MEF2D: variants seen among roughly 807,000 people sequenced by gnomAD.
MEF2D encodes the protein myocyte enhancer factor 2D.
Under a neutral mutation model 59.3 loss-of-function variants are expected in MEF2D, and 10 were observed. The ratio of observed to expected loss-of-function variants is 0.17; its 90% CI spans 0.10 to 0.29. The LOEUF is 0.29. MEF2D is among the 10% of genes least tolerant of loss of function. The probability of loss-of-function intolerance (pLI) is 1.00; values close to 1 mark genes in which losing one functional copy is unlikely to be tolerated. For missense variants in MEF2D, 508 were observed against 699.4 expected (o/e 0.73, Z 3.09); for synonymous variants, 305 against 295.0 (o/e 1.03, Z -0.35).
chr1:156,495,929 G>C (rs1673105992), intron 1 of MEF2D, among the ~76,000 whole-genome samples: 1 of 152,294 alleles, frequency 6.6e-6, no homozygotes, highest in Admixed American at 6.5e-5. Flanking sequence ...GGTCCCACCT[G>C]GGTGTGGCCA....
chr1:156,468,216 G>T lies in MEF2D; in HGVS notation c.1331C>A (p.Ser444Tyr), dbSNP rs994520318. Residue 444 changes from serine to tyrosine, a missense_variant, in exon 11 of 12, where the codon TCC (serine) becomes TAC (tyrosine). Coordinates refer to ENST00000348159, the MANE Select transcript of MEF2D (RefSeq NM_005920.4). This position sits in a 1 kb window ranked among gnomAD's most constrained non-coding sequence, Gnocchi z 4.3. ...CGCAGGGCTGCGCTCACGGCTTGGGGACACCGGTTCTGACTTGATGCTGAT... is the reference window on the plus strand; with the variant it reads ...CGCAGGGCTGCGCTCACGGCTTGGGTACACCGGTTCTGACTTGATGCTGAT... ...PHISIKSEPV[S>Y]PSRERSPAPP... 5 of 1,611,950 alleles carry T rather than the reference G, an allele frequency of 3.1e-6. No homozygotes were observed. The highest frequency in any genetic ancestry group is 4.2e-6 in the Non-Finnish European group (5 of 1,178,748).
At chr1:156,487,747 T>C (rs1192194486) in intron 1 of MEF2D, among the ~76,000 whole-genome samples, 1 of 152,208 alleles carries the variant, frequency 6.6e-6, no homozygotes, top group East Asian at 1.9e-4. Flanking sequence ...CCTAACCAAC[T>C]GGCAGGAGCC....
At chr1:156,498,101 T>TAA (rs5777987) in intron 1 of MEF2D, among the ~76,000 whole-genome samples, 2,690 of 56,048 alleles carry the variant, frequency 0.048, 270 homozygotes, top group African/African-American at 0.12. Context: ...CAGGAAAGAT[T>TAA]AAAAAAAAAA....
chr1:156,472,898 G>C (rs1054586397), intron 9 of MEF2D, among the ~76,000 whole-genome samples: 3 of 152,184 alleles, frequency 2.0e-5, no homozygotes, highest in East Asian at 3.9e-4. Flanking sequence ...TTTTAGTAGA[G>C]ACAGGGTTTC....
rs777120402 is a variant in MEF2D at position 156,480,989 on chromosome 1, C to T, written c.259-18G>A. On this transcript the variant is annotated intron_variant, in intron 3 of 11. Coordinates refer to ENST00000348159, the MANE Select transcript of MEF2D (RefSeq NM_005920.4). ...CTCAGGGTCTGTAACCGCACCACTGCCATCAGCTGGGTGAGAGTCCTTCCC... is the reference window on the plus strand; with the variant it reads ...CTCAGGGTCTGTAACCGCACCACTGTCATCAGCTGGGTGAGAGTCCTTCCC... 2 of 1,611,408 alleles carry T rather than the reference C, an allele frequency of 1.2e-6. No homozygotes were observed. The highest frequency in any genetic ancestry group is 1.1e-5 in the South Asian group (1 of 91,002).
chr1:156,467,714 G>A, intron 11 of MEF2D, 58 bp from the exon 12 acceptor site: 1 of 1,349,840 alleles, frequency 7.4e-7, no homozygotes, highest in Non-Finnish European at 9.6e-7. Flanking sequence ...CTTTGGGTAT[G>A]CACCCCCCAC....
At chr1:156,487,505 C>T (rs1474832264) in intron 1 of MEF2D, among the ~76,000 whole-genome samples, 2 of 152,108 alleles carry the variant, frequency 1.3e-5, no homozygotes, top group Admixed American at 1.3e-4. Flanking sequence ...ACCTTTTTTC[C>T]TTCTGCTATC....
rs780339946 is a variant in MEF2D at position 156,468,812 on chromosome 1, G to C, written c.1215C>G (p.Ser405=). The change falls in exon 10 of 12, where the codon TCC becomes TCG. Residue 405 remains serine, a synonymous_variant. Transcript: ENST00000348159. This position sits in a 1 kb window ranked among gnomAD's most constrained non-coding sequence, Gnocchi z 4.3. The stretch of plus-strand genomic sequence containing the variant: ...TGCTGAGAGATACAGGGACCAGGTG[G>C]GACTGTTGCTGAGGTGGCTGTTGCG... ...QQPQQPPQQQ[S]HLVPVSLSNL... is the part of the protein sequence containing the mutation. 6 of 1,614,112 alleles carry C rather than the reference G, an allele frequency of 3.7e-6. No individual in the cohort carries two copies. The highest frequency in any genetic ancestry group is 1.7e-6 in the Non-Finnish European group (2 of 1,179,964).
At chr1:156,494,389 G>C (rs1673003927) in intron 1 of MEF2D, among the ~76,000 whole-genome samples, 1 of 152,164 alleles carries the variant, frequency 6.6e-6, no homozygotes, top group Admixed American at 6.5e-5. Flanking sequence ...AGAATCACGA[G>C]GGATAAGCAA....
intron 9 of MEF2D, among the ~76,000 whole-genome samples, chr1:156,473,529 C>G (rs1671377041): frequency 6.6e-6 from 1 of 152,190 alleles, no homozygotes; most frequent in African/African-American, 2.4e-5. Flanking sequence ...AGCCCAGGTT[C>G]CCCAGCCACA....
At chr1:156,490,902 C>T (rs1024112885) in intron 1 of MEF2D, among the ~76,000 whole-genome samples, 2 of 152,210 alleles carry the variant, frequency 1.3e-5, no homozygotes, top group African/African-American at 2.4e-5. Context: ...AGCTCTCATC[C>T]TTCCTGTAGC....
Position 156,483,432 on chromosome 1 carries a change from T to C in MEF2D, c.-138-2A>G. On this transcript the variant is annotated splice_acceptor_variant, in intron 1 of 11. Transcript: ENST00000348159. LOFTEE classifies it low-confidence loss of function (5UTR_SPLICE). Reference sequence around the variant, plus strand: ...GCAGGATACCTTCTGCACAGCCTCCTGGAAAGGGAGGGTCATGAGAGGTCT... The same window carrying C: ...GCAGGATACCTTCTGCACAGCCTCCCGGAAAGGGAGGGTCATGAGAGGTCT... 1 of 817,168 alleles carries C rather than the reference T, an allele frequency of 1.2e-6. No individual in the cohort carries two copies. The allele number at this position is 817,168 out of a possible 1,614,324, so 50.6% of individuals were successfully genotyped here. A position where few individuals can be genotyped will look rare whatever the true frequency, so the allele number is the denominator to read the frequency against.
At chr1:156,479,511 C>G in intron 5 of MEF2D, 75 bp downstream of exon 5, 2 of 1,519,768 alleles carry the variant, frequency 1.3e-6, no homozygotes, top group Non-Finnish European at 1.8e-6. Flanking sequence ...GAAATACTTG[C>G]TGTTGAAAAT....
chr1:156,483,184 G>A, intron 2 of MEF2D, 55 bp downstream of exon 2: 2 of 1,569,056 alleles, frequency 1.3e-6, no homozygotes, highest in Admixed American at 1.7e-5. Context: ...GGGAGTAGAG[G>A]CAGAGGCCTG....
intron 9 of MEF2D, among the ~76,000 whole-genome samples, chr1:156,473,350 G>C (rs1267015384): frequency 6.6e-6 from 1 of 152,276 alleles, no homozygotes; most frequent in South Asian, 2.1e-4. Flanking sequence ...GAGGAGGTGG[G>C]ATTTTGTGGT....
In MEF2D at chr1:156,479,654, G is replaced by A. The variant is rs1298828876; in HGVS notation, c.539C>T (p.Ser180Phe). Reference sequence around the variant, plus strand: ...CCTCTGTAGTGCTGGCTGCTGGGGGGACAGGAGCCGCGGGTCCGTGAGGGA... The same window carrying A: ...CCTCTGTAGTGCTGGCTGCTGGGGGAACAGGAGCCGCGGGTCCGTGAGGGA... ...TSSLTDPRLL[S>F]PQQPALQRNS... is the part of the protein sequence containing the mutation. The change falls in exon 5 of 12, where the codon TCC (serine) becomes TTC (phenylalanine). Residue 180 changes from serine to phenylalanine, a missense_variant. This residue lies in a region of MEF2D where 481 missense variants were observed against 584.7 expected (regional missense o/e 0.82). Coordinates refer to ENST00000348159, the MANE Select transcript of MEF2D (RefSeq NM_005920.4). 3 of 1,552,440 alleles carry A rather than the reference G, an allele frequency of 1.9e-6. No homozygotes were observed. Among genetic ancestry groups the A allele is most frequent in the Non-Finnish European group, 2.6e-6 (3 of 1,147,436 alleles).
intron 1 of MEF2D, among the ~76,000 whole-genome samples, chr1:156,483,835 G>A (rs1672174199): frequency 2.0e-5 from 3 of 152,176 alleles, no homozygotes; most frequent in African/African-American, 2.4e-5. Flanking sequence ...AAGAGACAAC[G>A]CTGAGAGGAC....
intron 9 of MEF2D, 68 bp downstream of exon 9, chr1:156,475,040 A>T: frequency 6.2e-7 from 1 of 1,609,218 alleles, no homozygotes; most frequent in South Asian, 1.1e-5. Context: ...GATAACTAGC[A>T]TTTCTGTCTG....
chr1:156,495,762 CAAA>C (rs372092331), intron 1 of MEF2D, among the ~76,000 whole-genome samples: 1,306 of 78,028 alleles, frequency 0.017, 107 homozygotes, highest in African/African-American at 0.066. Context: ...GACCAGGGGG[CAAA>C]AAAAAAAAAA....
Sources: gnomAD v4.1 joint callset for allele counts (sites outside exome capture counted in the v4.1 genomes callset) on GRCh38, gnomAD v4.1.1 for gene constraint, gnomAD v4.1.1 regional missense constraint, Gnocchi (gnomAD v3.1) non-coding constraint, MANE v1.5 for transcripts, NCBI Gene and HGNC (gene_info 2026-07-23, HGNC 2026-07-21) for gene names.